The following HDAC9 variants were observed in gnomAD, a reference collection of about 807,000 sequenced individuals.
HDAC9 encodes the protein histone deacetylase 9.
Under a neutral mutation model 139.4 loss-of-function variants are expected in HDAC9, and 41 were observed. That is an observed-to-expected ratio of 0.29 (90% CI 0.23 to 0.38). The LOEUF is 0.38. Among genes scored for constraint, HDAC9 ranks in the 10% least tolerant of loss-of-function variants. The probability of loss-of-function intolerance (pLI) is 1.00; values close to 1 mark genes in which losing one functional copy is unlikely to be tolerated. For synonymous variants in HDAC9, 517 were observed against 476.2 expected (o/e 1.09, Z -1.12); for missense variants, 1,147 against 1,297.0 (o/e 0.88, Z 1.78).
intron 1 of HDAC9, among the ~76,000 whole-genome samples, chr7:18,411,673 C>T (rs1273641929): frequency 6.6e-6 from 1 of 152,102 alleles, no homozygotes; most frequent in African/African-American, 2.4e-5. Context: ...CTGTGCCCAG[C>T]TAGCTTTTTA....
chr7:18,112,730 G>A (rs1783708403), intron 1 of HDAC9, among the ~76,000 whole-genome samples: 1 of 152,132 alleles, frequency 6.6e-6, no homozygotes, highest in African/African-American at 2.4e-5. Flanking sequence ...ACATATATAT[G>A]TGTGTATATA....
chr7:18,278,928 G>T (rs1199890011), intron 2 of HDAC9, among the ~76,000 whole-genome samples: 1 of 152,126 alleles, frequency 6.6e-6, no homozygotes, highest in African/African-American at 2.4e-5. Flanking sequence ...GTGGAAGTAG[G>T]TACTCTGTTC....
At chr7:18,290,468 G>C (rs537500606) in exon 1 of HDAC9, 15 of 456,566 alleles carry the variant, frequency 3.3e-5, no homozygotes, top group East Asian at 7.0e-5. Flanking sequence ...GAGCTAGTTT[G>C]CGAAACCACA....
intron 2 of HDAC9, among the ~76,000 whole-genome samples, chr7:18,504,659 A>G (rs1005531711): frequency 1.3e-5 from 2 of 152,120 alleles, no homozygotes; most frequent in Non-Finnish European, 1.5e-5. Flanking sequence ...AAAAATTTTT[A>G]TGTCATTCTT....
intron 1 of HDAC9, among the ~76,000 whole-genome samples, chr7:18,441,283 AC>A: frequency 6.6e-6 from 1 of 152,278 alleles, no homozygotes; most frequent in Middle Eastern, 3.4e-3. Context: ...CCATTGCTTC[AC>A]CCACATCACA....
rs1790937217 is a variant in HDAC9, at chr7:18,199,300, A to C, written c.25+36951A>C. ...TTTATTTTTATTTTCCACAGATCCC[A>C]ATTTCTGGATTTCTTGTGAAGTTTA... is the stretch of plus-strand genomic sequence containing the variant. On this transcript the variant is annotated intron_variant, in intron 2 of 12. Coordinates refer to the HDAC9 transcript ENST00000417496. Among the ~76,000 whole-genome samples the C allele has an allele frequency of 5.9e-5, 9 of 152,008 alleles. No homozygotes were observed. In the South Asian group the frequency reaches 1.9e-3, roughly 31 times the overall value.
intron 22 of HDAC9, among the ~76,000 whole-genome samples, chr7:18,888,197 G>A (rs955999655): frequency 6.6e-5 from 10 of 152,078 alleles, no homozygotes; most frequent in Admixed American, 3.3e-4. Flanking sequence ...CGAGGCAGGC[G>A]GATCACGAGG....
chr7:18,149,870 T>A (rs1163194468), intron 1 of HDAC9, among the ~76,000 whole-genome samples: 2 of 152,000 alleles, frequency 1.3e-5, no homozygotes, highest in African/African-American at 4.8e-5. Context: ...TTCATTTTTT[T>A]AAATTTGTGG....
At chr7:18,776,830 G>A (rs1040967736) in intron 16 of HDAC9, among the ~76,000 whole-genome samples, 1 of 151,932 alleles carries the variant, frequency 6.6e-6, no homozygotes, top group African/African-American at 2.4e-5. Flanking sequence ...GGGAAGCAAG[G>A]AAAGTTCAGG....
intron 11 of HDAC9, among the ~76,000 whole-genome samples, chr7:18,660,389 G>A (rs1221713234): frequency 5.3e-5 from 8 of 152,074 alleles, no homozygotes; most frequent in Admixed American, 5.2e-4. Flanking sequence ...ATGAAAAACG[G>A]GTAGTTATTG....
At chr7:18,618,726 G>GTGTA (rs71553930) in intron 6 of HDAC9, among the ~76,000 whole-genome samples, 4 of 120,038 alleles carry the variant, frequency 3.3e-5, no homozygotes, top group Admixed American at 8.8e-5. Context: ...ACAGAATTTT[G>GTGTA]TATATATATA....
At chr7:18,471,590 C>T (rs1342995947) in intron 1 of HDAC9, among the ~76,000 whole-genome samples, 1 of 152,186 alleles carries the variant, frequency 6.6e-6, no homozygotes, top group Non-Finnish European at 1.5e-5. Flanking sequence ...TAGGTGAAAG[C>T]TCAGTATCAG....
intron 2 of HDAC9, among the ~76,000 whole-genome samples, chr7:18,519,441 GATAA>G (rs1251247639): frequency 6.6e-6 from 1 of 152,060 alleles, no homozygotes; most frequent in Non-Finnish European, 1.5e-5. Context: ...TAACTCAGTG[GATAA>G]ATAATCAAAG....
intron 1 of HDAC9, among the ~76,000 whole-genome samples, chr7:18,110,174 A>C (rs1176489755): frequency 6.6e-6 from 1 of 152,244 alleles, no homozygotes; most frequent in Non-Finnish European, 1.5e-5. Context: ...CTTTCTCTGC[A>C]GAACAAATGG....
rs1231276149 is a variant in HDAC9 at position 18,998,095 on chromosome 7, CCAAAGGCTTAA to C, written c.*2038_*2048del. 2 of 151,844 alleles carry C rather than the reference CCAAAGGCTTAA, an allele frequency of 1.3e-5. No homozygotes were observed. The highest frequency in any genetic ancestry group is 2.9e-5 in the Non-Finnish European group (2 of 67,908). 9.4% of individuals were successfully genotyped at this position (151,844 alleles called of 1,614,324 possible). A position where few individuals can be genotyped will look rare whatever the true frequency, so the allele number is the denominator to read the frequency against. ...ATATTTACTTAAAAAAATAGTAGAGCCAAAGGCTTAACAAAAGACTCTCCCCCATTTTAAAA... is the reference window on the plus strand; with the variant it reads ...ATATTTACTTAAAAAAATAGTAGAGCCAAAAGACTCTCCCCCATTTTAAAA... On this transcript the variant is annotated 3_prime_UTR_variant, in exon 26 of 26. Coordinates refer to ENST00000686413, the MANE Select transcript of HDAC9 (RefSeq NM_178425.4).
intron 21 of HDAC9, among the ~76,000 whole-genome samples, chr7:18,843,312 G>A (rs536032850): frequency 5.6e-4 from 85 of 152,150 alleles, no homozygotes; most frequent in African/African-American, 1.9e-3. Context: ...GAAATATCAG[G>A]AAATGAAATC....
At chr7:18,504,915 T>C (rs1799343555) in intron 2 of HDAC9, among the ~76,000 whole-genome samples, 1 of 152,238 alleles carries the variant, frequency 6.6e-6, no homozygotes, top group Non-Finnish European at 1.5e-5. Context: ...AGGATAATTC[T>C]GCTTGGTACT....
chr7:18,995,223 C>G (rs940595767), intron 25 of HDAC9, among the ~76,000 whole-genome samples: 1 of 152,194 alleles, frequency 6.6e-6, no homozygotes, highest in African/African-American at 2.4e-5. Flanking sequence ...AGAGCTCAGA[C>G]GCAAACTCAA....
intron 8 of HDAC9, among the ~76,000 whole-genome samples, chr7:18,635,841 T>C (rs993951516): frequency 6.6e-6 from 1 of 152,088 alleles, no homozygotes; most frequent in African/African-American, 2.4e-5. Flanking sequence ...CTTCTGCTTA[T>C]AGGGAGCTCA....
Sources: allele counts gnomAD v4.1 joint callset (sites outside exome capture counted in the v4.1 genomes callset), GRCh38; gene constraint gnomAD v4.1.1; transcripts MANE v1.5; gene names NCBI Gene and HGNC (gene_info 2026-07-23, HGNC 2026-07-21).